Variants in COL20A1 observed in about 807,000 individuals in gnomAD.
COL20A1 encodes the protein collagen alpha-1(XX) chain.
COL20A1 carries 164 observed loss-of-function variants against 152.9 expected under a neutral mutation model. The observed-to-expected ratio is 1.07, with a 90% CI of 0.94 to 1.22. The LOEUF (loss-of-function observed/expected upper bound fraction) is 1.22, where lower values mean the gene tolerates loss of function less well. COL20A1 is among the 50% of genes most tolerant of loss of function. The pLI, the probability that COL20A1 is intolerant of heterozygous loss-of-function variation, is 0.00. For missense variants in COL20A1, 1,873 were observed against 1,744.8 expected (o/e 1.07, Z -1.31); for synonymous variants, 864 against 756.0 (o/e 1.14, Z -2.34).
intron 14 of COL20A1, 104 bp from the exon 15 acceptor site, chr20:63,312,316 G>A: frequency 7.6e-7 from 1 of 1,320,602 alleles, no homozygotes; most frequent in Non-Finnish European, 1.0e-6. Context: ...TTTCTGGGGG[G>A]TCGTGGGGTA....
At chr20:63,314,298 C>T (rs1458915313) in intron 19 of COL20A1, 97 bp downstream of exon 19, 1 of 1,051,702 alleles carries the variant, frequency 9.5e-7, no homozygotes, top group South Asian at 1.5e-5. Flanking sequence ...CAACCCCAGA[C>T]CCAGCCAACC....
At position 63,309,850 on chromosome 20, in the gene COL20A1, G is replaced by GC. The variant is rs1568772857; in HGVS notation, c.1204dup (p.Arg402ProfsTer14). On this transcript the variant is annotated frameshift_variant, in exon 10 of 36. Coordinates refer to ENST00000358894, the MANE Select transcript of COL20A1 (RefSeq NM_020882.4). LOFTEE classifies it high-confidence loss of function. ...CAGCATCCGCCTGTCCTGGACTCCA[G>GC]CCCCCCGGCACCCCCTCAAGTATCT... 2 of 1,611,088 alleles carry GC rather than the reference G, an allele frequency of 1.2e-6. No homozygotes were observed. Among genetic ancestry groups the GC allele is most frequent in the Non-Finnish European group, 1.7e-6 (2 of 1,179,142 alleles).
Position 63,319,968 on chromosome 20 carries a change from C to G in COL20A1, c.2917-71C>G, listed in dbSNP as rs1298056719. 1.5e-6 allele frequency: 2 copies of G among 1,325,776 alleles called. No individual in the cohort carries two copies. The highest frequency in any genetic ancestry group is 2.0e-6 in the Non-Finnish European group (2 of 1,012,988). The allele number at this position is 1,325,776 out of a possible 1,614,324, so 82.1% of individuals were successfully genotyped here. A position where few individuals can be genotyped will look rare whatever the true frequency, so the allele number is the denominator to read the frequency against. On this transcript the variant is annotated intron_variant, in intron 23 of 35. Transcript: ENST00000358894. The surrounding 1 kb of genome is among the most constrained non-coding windows in gnomAD (Gnocchi z 4.4). ...GATGGGTGTTACTCCCCAGCCCTGGCCTGGCCTTGGGGGCTCAGGTGGGCA... is the reference window on the plus strand; with the variant it reads ...GATGGGTGTTACTCCCCAGCCCTGGGCTGGCCTTGGGGGCTCAGGTGGGCA...
chr20:63,295,898 C>T (rs2067787540), intron 2 of COL20A1, among the ~76,000 whole-genome samples: 1 of 152,280 alleles, frequency 6.6e-6, no homozygotes, highest in South Asian at 2.1e-4. Context: ...GCGGCGCCTC[C>T]CGGCACCTGC....
At chr20:63,315,873 G>A (rs919999088) in intron 20 of COL20A1, among the ~76,000 whole-genome samples, 1 of 152,228 alleles carries the variant, frequency 6.6e-6, no homozygotes, top group African/African-American at 2.4e-5. Context: ...AAGGGGCTGC[G>A]GCCTCTGCCG....
chr20:63,326,710 G>A, intron 30 of COL20A1, 42 bp from the exon 31 acceptor site: 1 of 1,335,234 alleles, frequency 7.5e-7, no homozygotes, highest in Non-Finnish European at 9.8e-7. Context: ...GAGCAGATTT[G>A]CTGGGGGCCC....
intron 10 of COL20A1, 99 bp from the exon 11 acceptor site, chr20:63,310,282 C>A: frequency 1.4e-6 from 2 of 1,385,900 alleles, no homozygotes; most frequent in Non-Finnish European, 2.0e-6. Flanking sequence ...ACCCTGCGGG[C>A]CCCAGCTGAG....
At chr20:63,317,675 C>T (rs961716546) in intron 21 of COL20A1, among the ~76,000 whole-genome samples, 1 of 152,096 alleles carries the variant, frequency 6.6e-6, no homozygotes, top group Non-Finnish European at 1.5e-5. Context: ...GTCTTCGTGG[C>T]TGAACTCGAT....
Position 63,320,066 on chromosome 20 carries a change from G to A in COL20A1, c.2944G>A (p.Val982Ile), listed in dbSNP as rs1319799553. 4 of 1,555,700 alleles carry A rather than the reference G, an allele frequency of 2.6e-6. No homozygotes were observed. The highest frequency in any genetic ancestry group is 2.4e-5 in the East Asian group (1 of 41,194). The part of the protein sequence containing the change: ...KVHVAVGRSK[V>I]RLYVDCRKVA... Reference sequence around the variant, plus strand: ...GCACGTGGCTGTGGGCCGCTCCAAGGTCAGGCTCTATGTGGACTGCCGGAA... The same window carrying A: ...GCACGTGGCTGTGGGCCGCTCCAAGATCAGGCTCTATGTGGACTGCCGGAA... Residue 982 changes from valine to isoleucine, a missense_variant, in exon 24 of 36, where the codon GTC becomes ATC. Val to Ile is a conservative substitution (Grantham distance 29). Transcript: ENST00000358894.
intron 19 of COL20A1, 37 bp downstream of exon 19, chr20:63,314,238 C>G: frequency 6.5e-7 from 1 of 1,538,050 alleles, no homozygotes; most frequent in Non-Finnish European, 8.8e-7. Context: ...CAGGTAGACC[C>G]AGCCCCAGCC....
rs2068256301 is a variant in COL20A1, at chr20:63,326,800, C to A, written c.3505C>A (p.Pro1169Thr). Residue 1169 changes from proline (P) to threonine (T), a missense_variant, in exon 31 of 36, where the codon CCT (proline) becomes ACT (threonine). Coordinates refer to ENST00000358894, the MANE Select transcript of COL20A1 (RefSeq NM_020882.4). ...GARGTSGERG[P>T]PGTVGPTGLP... Reference sequence around the variant, plus strand: ...CAGGGGCACTAGTGGAGAGCGAGGACCTCCAGGGACCGTGGGGCCCACAGT... The same window carrying A: ...CAGGGGCACTAGTGGAGAGCGAGGAACTCCAGGGACCGTGGGGCCCACAGT... 6.7e-7 allele frequency: 1 copy of A among 1,502,024 alleles called. No homozygotes were observed. Among genetic ancestry groups the A allele is most frequent in the Non-Finnish European group, 8.8e-7 (1 of 1,137,746 alleles). The allele number at this position is 1,502,024 out of a possible 1,614,324, so 93.0% of individuals were successfully genotyped here. A position where few individuals can be genotyped will look rare whatever the true frequency, so the allele number is the denominator to read the frequency against.
rs1489708367 is a variant in COL20A1 at position 63,320,178 on chromosome 20, C to T, written c.3056C>T (p.Pro1019Leu). 1.9e-6 allele frequency: 3 copies of T among 1,567,866 alleles called. No individual in the cohort carries two copies. The highest frequency in any genetic ancestry group is 2.6e-6 in the Non-Finnish European group (3 of 1,159,018). Reference protein sequence around the residue: ...TLGRLAKARGPRSSSAAFQLQ... With the variant: ...TLGRLAKARGLRSSSAAFQLQ... ...GGGAGGCTGGCCAAGGCCAGGGGCC[C>T]CCGGAGCAGTTCGGCCGCGGTGAGT... Residue 1019 changes from proline to leucine, a missense_variant, in exon 24 of 36, where the codon CCC becomes CTC. Pro to Leu is a moderately conservative substitution (Grantham distance 98). Transcript: ENST00000358894.
Position 63,328,460 on chromosome 20 carries a change from G to C in COL20A1, c.3743G>C (p.Gly1248Ala). The part of the protein sequence containing the change: ...PGTRSKALVP[G>A]EWGRGGRHLE... ...ACCCGCAGCAAGGCCCTGGTTCCTG[G>C]AGAATGGGGGCGTGGTGGCCGCCAC... Residue 1248 changes from glycine to alanine, a missense_variant, in exon 34 of 36, where the codon GGA (glycine) becomes GCA (alanine). Gly to Ala is a moderately conservative substitution (Grantham distance 60). Coordinates refer to ENST00000358894, the MANE Select transcript of COL20A1 (RefSeq NM_020882.4). 1 of 1,612,474 alleles carries C rather than the reference G, an allele frequency of 6.2e-7. No individual in the cohort carries two copies. The highest frequency in any genetic ancestry group is 8.5e-7 in the Non-Finnish European group (1 of 1,179,672).
chr20:63,308,243 T>C (rs1311845924), intron 7 of COL20A1, among the ~76,000 whole-genome samples, 153 bp downstream of exon 7: 1 of 152,140 alleles, frequency 6.6e-6, no homozygotes, highest in African/African-American at 2.4e-5. Flanking sequence ...CACCCCCTTG[T>C]TTACCTTTGA....
chr20:63,312,689 G>T, intron 15 of COL20A1, 103 bp from the exon 16 acceptor site: 1 of 1,461,814 alleles, frequency 6.8e-7, no homozygotes, highest in Non-Finnish European at 9.2e-7. Context: ...CCGGACGGGT[G>T]TGATGGATGG....
At position 63,312,193 on chromosome 20, in the gene COL20A1, G is replaced by A. The variant is rs570578216; in HGVS notation, c.1803+138G>A. On this transcript the variant is annotated intron_variant, in intron 14 of 35. Transcript: ENST00000358894. ...ACGAGGCACAGCGGGGGCACCTGGT[G>A]TGGGGGCAGATGTGGGTGTGGGGTC... The A allele has an allele frequency of 5.9e-5, 70 of 1,184,836 alleles. 1 individual carries two copies. The highest frequency in any genetic ancestry group is 2.8e-4 in the Middle Eastern group (1 of 3,588). 73.4% of individuals were successfully genotyped at this position (1,184,836 alleles called of 1,614,324 possible).
chr20:63,318,377 G>A (rs2068111662), intron 21 of COL20A1, among the ~76,000 whole-genome samples: 1 of 122,874 alleles, frequency 8.1e-6, no homozygotes, highest in African/African-American at 2.5e-5. Flanking sequence ...CGGCCATTGG[G>A]ACCCCAATTC....
At chr20:63,322,225 C>T (rs2068174446) in intron 27 of COL20A1, 114 bp downstream of exon 27, 3 of 864,704 alleles carry the variant, frequency 3.5e-6, no homozygotes, top group Admixed American at 7.6e-5. Context: ...CTTCCCTAGG[C>T]AGGGTGGGGT....
At chr20:63,294,242 AC>A (rs1191471909) in intron 1 of COL20A1, among the ~76,000 whole-genome samples, 2 of 99,652 alleles carry the variant, frequency 2.0e-5, no homozygotes, top group Non-Finnish European at 2.1e-5. Context: ...GTGCAAGTGA[AC>A]CCCCGGCATT....
Sources: allele counts gnomAD v4.1 joint callset (sites outside exome capture counted in the v4.1 genomes callset), GRCh38; gene constraint gnomAD v4.1.1; non-coding constraint Gnocchi (gnomAD v3.1); transcripts MANE v1.5; gene names NCBI Gene and HGNC (gene_info 2026-07-23, HGNC 2026-07-21).